ZDHHC20: variants seen among roughly 807,000 people sequenced by gnomAD.
ZDHHC20 encodes the protein zDHHC palmitoyltransferase 20.
Under a neutral mutation model 57.8 loss-of-function variants are expected in ZDHHC20, and 43 were observed. The ratio of observed to expected loss-of-function variants is 0.74; its 90% CI spans 0.58 to 0.96. The LOEUF is 0.96. Ranked by LOEUF, ZDHHC20 falls within the 40% of genes least tolerant of loss-of-function variation. The pLI, the probability that ZDHHC20 is intolerant of heterozygous loss-of-function variation, is 0.00. For synonymous variants in ZDHHC20, 157 were observed against 153.0 expected (o/e 1.03, Z -0.19); for missense variants, 391 against 441.1 (o/e 0.89, Z 1.02).
At chr13:21,400,931 G>C (rs1457469664) in intron 6 of ZDHHC20, among the ~76,000 whole-genome samples, 3 of 151,910 alleles carry the variant, frequency 2.0e-5, no homozygotes, top group Non-Finnish European at 4.4e-5. Flanking sequence ...GGCTGGTCTT[G>C]AACTCCTGAC....
intron 11 of ZDHHC20, among the ~76,000 whole-genome samples, chr13:21,380,005 C>T (rs527769127): frequency 2.0e-4 from 31 of 151,308 alleles, no homozygotes; most frequent in Middle Eastern, 3.4e-3. Context: ...TCAGTAGAGA[C>T]GGGGTTTCAC....
At chr13:21,431,133 C>T (rs1881866648) in intron 1 of ZDHHC20, among the ~76,000 whole-genome samples, 1 of 152,136 alleles carries the variant, frequency 6.6e-6, no homozygotes, top group Non-Finnish European at 1.5e-5. Flanking sequence ...AGTCCATTTT[C>T]ACGCTGGTGA....
At position 21,391,860 on chromosome 13, in the gene ZDHHC20, G is replaced by GA. The variant is rs1195767633; in HGVS notation, c.595-7dup. 1 of 1,601,706 alleles carries GA rather than the reference G, an allele frequency of 6.2e-7. No individual in the cohort carries two copies. Among genetic ancestry groups the GA allele is most frequent in the Non-Finnish European group, 8.5e-7 (1 of 1,175,714 alleles). On this transcript the variant is annotated splice_region_variant and splice_polypyrimidine_tract_variant and intron_variant, in intron 7 of 12. Coordinates refer to ENST00000400590, the MANE Select transcript of ZDHHC20 (RefSeq NM_001330059.2). ...CGTGTATCTGTCAGTTCATTCTGAG[G>GA]AAAAAAAGAAGTTAATTTTGAGGTC...
At chr13:21,393,129 A>C (rs1405843500) in intron 7 of ZDHHC20, among the ~76,000 whole-genome samples, 1 of 152,232 alleles carries the variant, frequency 6.6e-6, no homozygotes, top group African/African-American at 2.4e-5. Context: ...TTCTCAAGAA[A>C]TACAAAAGAA....
At chr13:21,421,223 T>C in intron 2 of ZDHHC20, 59 bp from the exon 3 acceptor site, 3 of 1,386,528 alleles carry the variant, frequency 2.2e-6, no homozygotes, top group Non-Finnish European at 3.0e-6. Flanking sequence ...CAAAAAGCAT[T>C]ACATTAAAAC....
chr13:21,399,970 A>G (rs902723579), intron 7 of ZDHHC20, among the ~76,000 whole-genome samples: 2 of 151,774 alleles, frequency 1.3e-5, no homozygotes, highest in Admixed American at 6.6e-5. Context: ...TGTAAAATCT[A>G]TAAAGACAGG....
intron 1 of ZDHHC20, among the ~76,000 whole-genome samples, chr13:21,451,493 TTTTAA>T (rs1365300097): frequency 3.3e-4 from 51 of 152,318 alleles, no homozygotes; most frequent in African/African-American, 1.2e-3. Flanking sequence ...AAGTGCATAC[TTTTAA>T]TTTATATTCT....
At chr13:21,440,861 C>G (rs967498364) in intron 1 of ZDHHC20, among the ~76,000 whole-genome samples, 1 of 151,890 alleles carries the variant, frequency 6.6e-6, no homozygotes, top group Non-Finnish European at 1.5e-5. Context: ...GTCAATACAT[C>G]TGTCCATGCA....
intron 3 of ZDHHC20, among the ~76,000 whole-genome samples, chr13:21,415,158 G>A (rs1487940672): frequency 6.6e-6 from 1 of 152,158 alleles, no homozygotes; most frequent in Non-Finnish European, 1.5e-5. Context: ...GCATAGTAGA[G>A]AGAGCTCTGA....
At chr13:21,385,996 G>C (rs1201602112) in intron 9 of ZDHHC20, among the ~76,000 whole-genome samples, 2 of 152,144 alleles carry the variant, frequency 1.3e-5, no homozygotes, top group Non-Finnish European at 2.9e-5. Context: ...AAATCCTATC[G>C]ACTTAGAATT....
At chr13:21,381,845 T>C (rs781198650) in intron 10 of ZDHHC20, 26 of 572,792 alleles carry the variant, frequency 4.5e-5, no homozygotes, top group Admixed American at 4.2e-5. Flanking sequence ...TCAGGAGCCA[T>C]AGGTAGTACA....
intron 4 of ZDHHC20, among the ~76,000 whole-genome samples, chr13:21,403,375 C>T (rs1414647333): frequency 6.6e-6 from 1 of 151,736 alleles, no homozygotes; most frequent in African/African-American, 2.4e-5. Flanking sequence ...AATAAAAACT[C>T]TGAATTGTTT....
At chr13:21,432,824 GTTAA>G (rs1227967139) in intron 1 of ZDHHC20, among the ~76,000 whole-genome samples, 1 of 152,160 alleles carries the variant, frequency 6.6e-6, no homozygotes, top group Non-Finnish European at 1.5e-5. Context: ...AAAGGTTGAG[GTTAA>G]TTTTTTTACA....
intron 1 of ZDHHC20, among the ~76,000 whole-genome samples, chr13:21,430,635 T>C (rs1437953401): frequency 3.3e-5 from 5 of 152,110 alleles, no homozygotes; most frequent in African/African-American, 9.7e-5. Context: ...AGGGCAGTTA[T>C]TGTCTACAAG....
At chr13:21,423,825 T>C (rs1379128815) in intron 2 of ZDHHC20, among the ~76,000 whole-genome samples, 1 of 151,984 alleles carries the variant, frequency 6.6e-6, no homozygotes, top group Non-Finnish European at 1.5e-5. Context: ...AACTATGCAA[T>C]GTTATCTTCA....
Position 21,378,745 on chromosome 13 carries a change from G to A in ZDHHC20, c.1061-7C>T, listed in dbSNP as rs551022227. 56 of 1,312,524 alleles carry A rather than the reference G, an allele frequency of 4.3e-5. 1 individual carries two copies. The South Asian group carries it at 8.4e-4, about 20-fold the overall frequency. 81.3% of individuals were successfully genotyped at this position (1,312,524 alleles called of 1,614,324 possible). A position where few individuals can be genotyped will look rare whatever the true frequency, so the allele number is the denominator to read the frequency against. On this transcript the variant is annotated splice_polypyrimidine_tract_variant and splice_region_variant and intron_variant, in intron 11 of 12. Coordinates refer to ENST00000400590, the MANE Select transcript of ZDHHC20 (RefSeq NM_001330059.2). The stretch of plus-strand genomic sequence containing the variant: ...GTTACATGGTTATTTGTCCCTGTAA[G>A]CATATAATTATATATGACATGACAA...
intron 2 of ZDHHC20, among the ~76,000 whole-genome samples, chr13:21,423,715 A>G (rs1161435438): frequency 6.6e-6 from 1 of 150,480 alleles, no homozygotes; most frequent in Non-Finnish European, 1.5e-5. Context: ...TTATATGTAT[A>G]TTTTATATAT....
At position 21,373,850 on chromosome 13, in the gene ZDHHC20, AT is replaced by A. The variant is rs1871582536; in HGVS notation, c.*2845del. 1 of 152,262 alleles carries A rather than the reference AT, an allele frequency of 6.6e-6. No homozygotes were observed. The highest frequency in any genetic ancestry group is 2.1e-4 in the South Asian group (1 of 4,834). The allele number at this position is 152,262 out of a possible 1,614,324, so 9.4% of individuals were successfully genotyped here. A position where few individuals can be genotyped will look rare whatever the true frequency, so the allele number is the denominator to read the frequency against. ...CTTGTAGGCCTTTGCTAGAATGGTC[AT>A]TAATACGTATGAATCAGTTGAGCTA... is the stretch of plus-strand genomic sequence containing the variant. On this transcript the variant is annotated 3_prime_UTR_variant, in exon 13 of 13. Coordinates refer to ENST00000400590, the MANE Select transcript of ZDHHC20 (RefSeq NM_001330059.2).
At chr13:21,409,140 A>C (rs1878857596) in intron 4 of ZDHHC20, among the ~76,000 whole-genome samples, 1 of 152,120 alleles carries the variant, frequency 6.6e-6, no homozygotes, top group South Asian at 2.1e-4. Flanking sequence ...GTTAGGGAGG[A>C]GTCCCCCTTT....
Sources: allele counts gnomAD v4.1 joint callset (sites outside exome capture counted in the v4.1 genomes callset), GRCh38; gene constraint gnomAD v4.1.1; transcripts MANE v1.5; gene names NCBI Gene and HGNC (gene_info 2026-07-23, HGNC 2026-07-21).